The following COG6 variants were observed in gnomAD, a reference collection of about 807,000 sequenced individuals.
The protein encoded by COG6 is conserved oligomeric Golgi complex subunit 6.
A neutral mutation model predicts 88.8 loss-of-function variants in COG6; 74 were observed. The ratio of observed to expected loss-of-function variants is 0.83; its 90% confidence interval spans 0.69 to 1.01. COG6 has a LOEUF of 1.01. Ranked by LOEUF, COG6 falls within the 50% of genes least tolerant of loss-of-function variation. COG6 has a pLI of 0.00. For missense variants in COG6, 800 were observed against 797.9 expected (o/e 1.00, Z -0.03); for synonymous variants, 286 against 278.7 (o/e 1.03, Z -0.26).
chr13:39,691,764 A>AT (rs906569652), intron 11 of COG6, among the ~76,000 whole-genome samples: 11 of 151,456 alleles, frequency 7.3e-5, no homozygotes, highest in East Asian at 1.9e-4. Context: ...GACTTTAATT[A>AT]TTTTTTTTTG....
Position 39,741,255 on chromosome 13 carries a change from C to T in COG6, c.1827-9691C>T, listed in dbSNP as rs536630448. On this transcript the variant is annotated intron_variant, in intron 18 of 18. Transcript: ENST00000455146. ...TGGAACAAAGCTGGATAGAGAATGACTTTGACAAGCTGACAGAAGTAGGCT... is the reference window on the plus strand; with the variant it reads ...TGGAACAAAGCTGGATAGAGAATGATTTTGACAAGCTGACAGAAGTAGGCT... Among the ~76,000 whole-genome samples the T allele has an allele frequency of 2.0e-5, 3 of 152,236 alleles. No homozygotes were observed. The South Asian group carries it at 6.2e-4, about 32-fold the overall frequency.
chr13:39,782,287 G>A (rs1331458762), intron 18 of COG6, among the ~76,000 whole-genome samples: 3 of 152,100 alleles, frequency 2.0e-5, no homozygotes, highest in South Asian at 4.1e-4. Context: ...TGAAACAACC[G>A]AAAATCTGAA....
intron 18 of COG6, among the ~76,000 whole-genome samples, chr13:39,776,912 C>T (rs1419725467): frequency 3.3e-5 from 5 of 152,116 alleles, no homozygotes; most frequent in Non-Finnish European, 4.4e-5. Flanking sequence ...TTGATTTCTA[C>T]GTGTCTTTTC....
intron 11 of COG6, among the ~76,000 whole-genome samples, chr13:39,692,538 C>A (rs117403339): frequency 0.059 from 9,001 of 152,082 alleles, 378 homozygotes; most frequent in Non-Finnish European, 0.094. Flanking sequence ...GAACAGATGT[C>A]TACCCTGAGC....
At chr13:39,753,829 A>G (rs1219367880), downstream of COG6, among the ~76,000 whole-genome samples, 2 of 152,162 alleles carry the variant, frequency 1.3e-5, no homozygotes, top group South Asian at 2.1e-4. Flanking sequence ...CTCTCTACTC[A>G]GATCCTAACA....
intron 18 of COG6, among the ~76,000 whole-genome samples, chr13:39,760,820 A>G (rs1880987325): frequency 6.6e-6 from 1 of 152,042 alleles, no homozygotes; most frequent in Non-Finnish European, 1.5e-5. Flanking sequence ...TCAAATTCCC[A>G]TATGTGAATA....
chr13:39,781,775 C>T (rs1186053143), intron 18 of COG6, among the ~76,000 whole-genome samples: 1 of 152,122 alleles, frequency 6.6e-6, no homozygotes, highest in East Asian at 1.9e-4. Context: ...TCCCAAGTCC[C>T]TCCATGGTGC....
At position 39,773,871 on chromosome 13, in the gene COG6, C is replaced by CTTTT. The variant is rs5803011; in HGVS notation, c.1827-14453_1827-14450dup. 2.4e-3 allele frequency among the ~76,000 whole-genome samples: 351 copies of CTTTT among 144,786 alleles called. 4 individuals are homozygous for CTTTT. The South Asian group carries it at 0.041, about 17-fold the overall frequency. 95.0% of individuals were successfully genotyped at this position (144,786 alleles called of 152,430 possible). On this transcript the variant is annotated intron_variant, in intron 18 of 18. Coordinates refer to the COG6 transcript ENST00000416691. ...AATTACAAACCTATTGACATTTTTG[C>CTTTT]TTTTTTTTTTTTTTACCCAATCATG...
At chr13:39,666,084 T>C (rs545160637) in intron 4 of COG6, among the ~76,000 whole-genome samples, 3 of 152,236 alleles carry the variant, frequency 2.0e-5, no homozygotes, top group Non-Finnish European at 4.4e-5. Flanking sequence ...CTATCAAGAT[T>C]TTTACAGAAA....
At chr13:39,689,964 A>C (rs976063263) in intron 11 of COG6, 140 bp downstream of exon 11, 22 of 511,270 alleles carry the variant, frequency 4.3e-5, no homozygotes, top group Non-Finnish European at 7.1e-5. Flanking sequence ...GACTAATAAG[A>C]AACATTTTAA....
At chr13:39,736,832 G>T (rs771417555) in intron 18 of COG6, among the ~76,000 whole-genome samples, 49 of 152,194 alleles carry the variant, frequency 3.2e-4, no homozygotes, top group Non-Finnish European at 6.5e-4. Flanking sequence ...CTGGTGCCTT[G>T]TTTAATTTGT....
At chr13:39,662,547 A>G (rs1393861634) in intron 3 of COG6, among the ~76,000 whole-genome samples, 4 of 152,234 alleles carry the variant, frequency 2.6e-5, no homozygotes, top group Non-Finnish European at 5.9e-5. Context: ...GAATGGTAAT[A>G]AACTGCATCC....
chr13:39,723,339 G>A lies in COG6; in HGVS notation c.1591G>A (p.Ala531Thr). The change falls in exon 16 of 19, where the codon GCA (alanine) becomes ACA (threonine). Residue 531 changes from alanine to threonine, a missense_variant. Transcript: ENST00000455146. ...RLEMLQFQIEAHLDTLINEQA... is the reference protein window; with the variant it reads ...RLEMLQFQIETHLDTLINEQA... ...TCTTTGTGTTTTATTTTAGATCGAA[G>A]CACATTTGGACACACTTATAAATGA... is the stretch of plus-strand genomic sequence containing the variant. 1 of 1,599,622 alleles carries A rather than the reference G, an allele frequency of 6.3e-7. No individual in the cohort carries two copies.
chr13:39,688,440 G>T (rs535593029), intron 10 of COG6, among the ~76,000 whole-genome samples: 13 of 152,156 alleles, frequency 8.5e-5, no homozygotes, highest in Non-Finnish European at 1.6e-4. Context: ...CATGGTGGAA[G>T]GCAAAAGGGG....
At chr13:39,760,599 T>C (rs933958133) in intron 18 of COG6, among the ~76,000 whole-genome samples, 1 of 152,106 alleles carries the variant, frequency 6.6e-6, no homozygotes, top group African/African-American at 2.4e-5. Flanking sequence ...AATCATACAA[T>C]AACAAACCAT....
intron 5 of COG6, chr13:39,679,260 G>A (rs1466950148): frequency 9.5e-6 from 4 of 421,102 alleles, no homozygotes; most frequent in African/African-American, 8.0e-5. Context: ...CACTTCTTGA[G>A]GACAGGGATT....
At chr13:39,673,052 G>A (rs1276001289) in intron 4 of COG6, among the ~76,000 whole-genome samples, 2 of 151,658 alleles carry the variant, frequency 1.3e-5, no homozygotes, top group Non-Finnish European at 2.9e-5. Context: ...GTCTATTTAC[G>A]TCCTTTACCC....
chr13:39,773,097 C>T (rs1157734088), intron 18 of COG6, among the ~76,000 whole-genome samples: 1 of 152,186 alleles, frequency 6.6e-6, no homozygotes, highest in South Asian at 2.1e-4. Context: ...AAGATCAAAG[C>T]CATTTCTATC....
At chr13:39,705,677 C>T (rs1374528393) in intron 13 of COG6, among the ~76,000 whole-genome samples, 1 of 152,036 alleles carries the variant, frequency 6.6e-6, no homozygotes, top group African/African-American at 2.4e-5. Context: ...CCAAATGATT[C>T]TTTAAATAAA....
Sources: gnomAD v4.1 joint callset for allele counts (sites outside exome capture counted in the v4.1 genomes callset) on GRCh38, gnomAD v4.1.1 for gene constraint, MANE v1.5 for transcripts, NCBI Gene and HGNC (gene_info 2026-07-23, HGNC 2026-07-21) for gene names.